Variants in TECTB observed in about 807,000 individuals in gnomAD.
The protein encoded by TECTB is beta-tectorin.
A neutral mutation model predicts 43.3 loss-of-function variants in TECTB; 45 were observed. The ratio of observed to expected loss-of-function variants is 1.04; its 90% confidence interval spans 0.82 to 1.33. The LOEUF is 1.33. Ranked by LOEUF, TECTB falls within the 40% of genes most tolerant of loss-of-function variation. The probability of loss-of-function intolerance (pLI) is 0.00; values close to 1 mark genes in which losing one functional copy is unlikely to be tolerated. For missense variants in TECTB, 399 were observed against 404.7 expected (o/e 0.99, Z 0.12); for synonymous variants, 169 against 156.7 (o/e 1.08, Z -0.59).
chr10:112,293,308 C>T (rs570204345), intron 5 of TECTB, among the ~76,000 whole-genome samples: 1 of 146,666 alleles, frequency 6.8e-6, no homozygotes, highest in South Asian at 2.2e-4. Context: ...TCTGATCCTA[C>T]ACTTCCCAAC....
At chr10:112,283,517 C>G in intron 1 of TECTB, 21 bp downstream of exon 1, 1 of 539,242 alleles carries the variant, frequency 1.9e-6, no homozygotes, top group South Asian at 2.6e-5. Context: ...CACTTTTTGC[C>G]TCTCAGCGCT....
At position 112,284,666 on chromosome 10, in the gene TECTB, C is replaced by A; in HGVS notation, c.208C>A (p.Gln70Lys). Residue 70 changes from glutamine to lysine, a missense_variant, in exon 3 of 11, where the codon CAA (glutamine) becomes AAA (lysine). Coordinates refer to ENST00000646139, the MANE Select transcript of TECTB (RefSeq NM_058222.3). The stretch of plus-strand genomic sequence containing the variant: ...TGGGGTCCACGAAGGAGGTTACTAC[C>A]AATTTGTGATCCCAGATTTATCACC... Reference protein sequence around the residue: ...YNGVHEGGYYQFVIPDLSPKN... With the variant: ...YNGVHEGGYYKFVIPDLSPKN... 6.2e-7 allele frequency: 1 copy of A among 1,612,976 alleles called. No homozygotes were observed. Among genetic ancestry groups the A allele is most frequent in the South Asian group, 1.1e-5 (1 of 90,804 alleles).
At chr10:112,300,259 AAAG>A (rs1848591529) in intron 9 of TECTB, among the ~76,000 whole-genome samples, 1 of 34,706 alleles carries the variant, frequency 2.9e-5, no homozygotes, top group Non-Finnish European at 5.3e-5. Context: ...AGAAAGAAAG[AAAG>A]AAAGAAAGAA....
chr10:112,286,348 G>A lies in TECTB; in HGVS notation c.440G>A (p.Ser147Asn). ...RVATVHVKNG[S>N]MGTFESQLSL... ...GCCACTGTTCACGTGAAGAACGGGA[G>A]CATGGGCACATTTGAGAGCCAACTG... Residue 147 changes from serine (S) to asparagine (N), a missense_variant, in exon 5 of 11, where the codon AGC becomes AAC. Transcript: ENST00000646139. The A allele has an allele frequency of 6.2e-7, 1 of 1,611,456 alleles. No individual in the cohort carries two copies. Among genetic ancestry groups the A allele is most frequent in the Non-Finnish European group, 8.5e-7 (1 of 1,177,700 alleles).
At chr10:112,286,749 G>A (rs1007012760) in intron 5 of TECTB, among the ~76,000 whole-genome samples, 1 of 151,866 alleles carries the variant, frequency 6.6e-6, no homozygotes, top group Non-Finnish European at 1.5e-5. Flanking sequence ...GTGAAATCTC[G>A]TCTCCACTAA....
rs142989477 is a variant in TECTB, at chr10:112,292,092, C to T, written c.484-1646C>T. On this transcript the variant is annotated intron_variant, in intron 5 of 10. Transcript: ENST00000646139. ...CAGAGTTCACAATGAGCCGAGATCGCGCCACTGCACTCCAGCCTGGGTGAC... is the reference window on the plus strand; with the variant it reads ...CAGAGTTCACAATGAGCCGAGATCGTGCCACTGCACTCCAGCCTGGGTGAC... 8.2e-3 allele frequency among the ~76,000 whole-genome samples: 1,232 copies of T among 150,678 alleles called. 14 individuals are homozygous for T. Among genetic ancestry groups the T allele is most frequent in the African/African-American group, 0.028 (1,139 of 40,936 alleles).
intron 3 of TECTB, 83 bp from the exon 4 acceptor site, chr10:112,285,988 C>A: frequency 6.4e-7 from 1 of 1,560,738 alleles, no homozygotes; most frequent in South Asian, 1.2e-5. Flanking sequence ...TGTTTTTGAG[C>A]CATCTTCTTG....
At chr10:112,287,869 A>C (rs1274289505) in intron 5 of TECTB, among the ~76,000 whole-genome samples, 2 of 152,216 alleles carry the variant, frequency 1.3e-5, no homozygotes, top group Non-Finnish European at 2.9e-5. Context: ...TTCATTAAAG[A>C]GGGCTCTCCA....
chr10:112,288,532 G>C (rs545073252), intron 5 of TECTB, among the ~76,000 whole-genome samples: 1 of 152,122 alleles, frequency 6.6e-6, no homozygotes, highest in Admixed American at 6.5e-5. Context: ...TGACACTTTC[G>C]TACTGATTAA....
At position 112,291,421 on chromosome 10, in the gene TECTB, A is replaced by G. The variant is rs191097786; in HGVS notation, c.484-2317A>G. ...AACCCAAAGGAATATAAATCATTCT[A>G]TTACAAAGACACATGCATGCATATG... On this transcript the variant is annotated intron_variant, in intron 5 of 10. Transcript: ENST00000646139. Among the ~76,000 whole-genome samples the G allele has an allele frequency of 1.1e-3, 171 of 152,346 alleles. 1 individual carries two copies. The highest frequency in any genetic ancestry group is 3.9e-3 in the African/African-American group (164 of 41,576).
At chr10:112,298,019 C>T in intron 7 of TECTB, 50 bp from the exon 8 acceptor site, 1 of 1,611,040 alleles carries the variant, frequency 6.2e-7, no homozygotes, top group Non-Finnish European at 8.5e-7. Context: ...GCAGCTCTTG[C>T]TGGAGTTCAA....
chr10:112,295,952 AC>A (rs1408913043), intron 7 of TECTB, among the ~76,000 whole-genome samples: 1 of 152,166 alleles, frequency 6.6e-6, no homozygotes, highest in Non-Finnish European at 1.5e-5. Context: ...CTGTAAACCT[AC>A]CAGATCAGAA....
intron 10 of TECTB, 129 bp downstream of exon 10, chr10:112,302,262 C>G (rs899173538): frequency 5.2e-6 from 6 of 1,145,576 alleles, no homozygotes; most frequent in Middle Eastern, 2.0e-4. Context: ...TTAAAGCACA[C>G]CTGAGTGGCG....
rs2063144902 is a variant in TECTB, at chr10:112,303,500, A to G, written c.*188A>G. The G allele has an allele frequency of 1.5e-6, 1 of 674,134 alleles. No individual in the cohort carries two copies. The highest frequency in any genetic ancestry group is 2.5e-6 in the Non-Finnish European group (1 of 397,690). The allele number at this position is 674,134 out of a possible 1,614,324, so 41.8% of individuals were successfully genotyped here. A position where few individuals can be genotyped will look rare whatever the true frequency, so the allele number is the denominator to read the frequency against. ...TGATGCCTTTTTCTTTCTAAGAAAAACTTAGGCTACTTCCCGTGGCCCTTA... is the reference window on the plus strand; with the variant it reads ...TGATGCCTTTTTCTTTCTAAGAAAAGCTTAGGCTACTTCCCGTGGCCCTTA... On this transcript the variant is annotated 3_prime_UTR_variant, in exon 11 of 11. Coordinates refer to ENST00000646139, the MANE Select transcript of TECTB (RefSeq NM_058222.3).
In TECTB at chr10:112,283,791, G is replaced by A. The variant is rs554525478; in HGVS notation, c.57G>A (p.Ser19=). Residue 19 remains serine, a synonymous_variant, in exon 2 of 11, where the codon TCG becomes TCA. Coordinates refer to ENST00000646139, the MANE Select transcript of TECTB (RefSeq NM_058222.3). ...TCTTTGCAGAAGCCTCTGCAAAATC[G>A]TGTGCTCCAAATAAAGCAGGTATGT... ...LAIFAEASAK[S]CAPNKADVIL... 14 of 1,613,812 alleles carry A rather than the reference G, an allele frequency of 8.7e-6. No homozygotes were observed. In the South Asian group the frequency reaches 1.1e-4, roughly 13 times the overall value.
At chr10:112,297,196 G>T (rs2133355443) in intron 7 of TECTB, among the ~76,000 whole-genome samples, 1 of 152,216 alleles carries the variant, frequency 6.6e-6, no homozygotes, top group South Asian at 2.1e-4. Flanking sequence ...TGCACTGTAG[G>T]ACGTTCAGCA....
chr10:112,290,337 G>A (rs560902804), intron 5 of TECTB, among the ~76,000 whole-genome samples: 2 of 152,298 alleles, frequency 1.3e-5, no homozygotes, highest in African/African-American at 4.8e-5. Context: ...TGTGGATAAA[G>A]GAAGATTACT....
rs1554854200 is a variant in TECTB, at chr10:112,300,230, TAAAGAAAGAAAG to T, written c.907+706_907+717del. Among the ~76,000 whole-genome samples, 105 of 55,040 alleles carry T rather than the reference TAAAGAAAGAAAG, an allele frequency of 1.9e-3. 1 individual carries two copies. Among genetic ancestry groups the T allele is most frequent in the East Asian group, 8.4e-3 (14 of 1,676 alleles). The allele number at this position is 55,040 out of a possible 152,430, so 36.1% of individuals were successfully genotyped here. A position where few individuals can be genotyped will look rare whatever the true frequency, so the allele number is the denominator to read the frequency against. On this transcript the variant is annotated intron_variant, in intron 9 of 10. Transcript: ENST00000646139. Reference sequence around the variant, plus strand: ...AGACAGACAGACAGACAGAAAGAAATAAAGAAAGAAAGAAAGAAAGAAAGAAAGAAAGAAAGA... The same window carrying T: ...AGACAGACAGACAGACAGAAAGAAATAAAGAAAGAAAGAAAGAAAGAAAGA...
Position 112,295,897 on chromosome 10 carries a change from T to C in TECTB, c.671+1836T>C, listed in dbSNP as rs1471776123. 2.6e-5 allele frequency among the ~76,000 whole-genome samples: 4 copies of C among 152,318 alleles called. No individual in the cohort carries two copies. In the East Asian group the frequency reaches 5.8e-4, roughly 22 times the overall value. On this transcript the variant is annotated intron_variant, in intron 7 of 10. Transcript: ENST00000646139. The stretch of plus-strand genomic sequence containing the variant: ...CTGCACAATTGTCCTCAAGCTCTAG[T>C]GTACACACAAACTGTGTAGGGTGCC...
Sources: gnomAD v4.1 joint callset for allele counts (sites outside exome capture counted in the v4.1 genomes callset) on GRCh38, gnomAD v4.1.1 for gene constraint, MANE v1.5 for transcripts, NCBI Gene and HGNC (gene_info 2026-07-23, HGNC 2026-07-21) for gene names.